Variants in MZT1 observed in about 807,000 individuals in gnomAD.
The protein encoded by MZT1 is mitotic spindle organizing protein 1.
A neutral mutation model predicts 8.5 loss-of-function variants in MZT1; 8 were observed. The ratio of observed to expected loss-of-function variants is 0.94; its 90% confidence interval spans 0.55 to 1.70. MZT1 has a LOEUF of 1.70. Ranked by LOEUF, MZT1 falls within the 40% of genes most tolerant of loss-of-function variation. The pLI, the probability that MZT1 is intolerant of heterozygous loss-of-function variation, is 0.00. For synonymous variants in MZT1, 38 were observed against 42.0 expected (o/e 0.90, Z 0.37); for missense variants, 93 against 108.6 (o/e 0.86, Z 0.64).
At chr13:72,716,464 C>A (rs1283875639) in intron 2 of MZT1, among the ~76,000 whole-genome samples, 5 of 152,050 alleles carry the variant, frequency 3.3e-5, no homozygotes, top group Non-Finnish European at 7.4e-5. Flanking sequence ...AGCACAAAAA[C>A]AAACCTAAAG....
At chr13:72,724,379 A>G (rs2032619060) in intron 1 of MZT1, among the ~76,000 whole-genome samples, 1 of 151,984 alleles carries the variant, frequency 6.6e-6, no homozygotes. Context: ...AACAGGAGGC[A>G]GAGGAGGTGA....
At chr13:72,716,102 A>G (rs1276734028) in intron 2 of MZT1, among the ~76,000 whole-genome samples, 1 of 151,916 alleles carries the variant, frequency 6.6e-6, no homozygotes, top group African/African-American at 2.4e-5. Context: ...TTTTTAGTAG[A>G]GATGGGTTTC....
chr13:72,715,635 A>T (rs1291855776), intron 2 of MZT1, among the ~76,000 whole-genome samples: 1 of 152,182 alleles, frequency 6.6e-6, no homozygotes, highest in Non-Finnish European at 1.5e-5. Flanking sequence ...GACTGAATTC[A>T]TCCCTCATGA....
chr13:72,717,554 G>A (rs999045418), intron 2 of MZT1, among the ~76,000 whole-genome samples: 1 of 152,064 alleles, frequency 6.6e-6, no homozygotes, highest in Non-Finnish European at 1.5e-5. Flanking sequence ...GGTCAGGCTG[G>A]TTTTGAACTC....
chr13:72,712,260 G>A (rs1427298150), intron 2 of MZT1, among the ~76,000 whole-genome samples: 2 of 152,288 alleles, frequency 1.3e-5, no homozygotes, highest in East Asian at 3.9e-4. Flanking sequence ...AAATGCCTGA[G>A]CTCAGGCCAT....
chr13:72,712,663 A>G (rs1469005469), intron 2 of MZT1, among the ~76,000 whole-genome samples: 1 of 152,180 alleles, frequency 6.6e-6, no homozygotes, highest in African/African-American at 2.4e-5. Flanking sequence ...AAAGCTGAAA[A>G]AGCTATGTTA....
Position 72,710,327 on chromosome 13 carries a change from T to C in MZT1, c.244A>G (p.Ser82Gly). 1 of 1,613,250 alleles carries C rather than the reference T, an allele frequency of 6.2e-7. No individual in the cohort carries two copies. The highest frequency in any genetic ancestry group is 8.5e-7 in the Non-Finnish European group (1 of 1,179,392). ...EALKAAENMT[S>G] ...ATCAGAATTTCTCCAGAAAGTCAGC[T>C]TGTCATATTTTCAGCAGCCTAGAAC... The change falls in exon 3 of 3, where the codon AGC (serine) becomes GGC (glycine). Residue 82 changes from serine to glycine, a missense_variant. Transcript: ENST00000377818.
At chr13:72,717,532 T>A (rs1288864609) in intron 2 of MZT1, among the ~76,000 whole-genome samples, 1 of 151,858 alleles carries the variant, frequency 6.6e-6, no homozygotes, top group African/African-American at 2.4e-5. Flanking sequence ...AGAGATGGAG[T>A]TTCATTATGT....
chr13:72,727,311 G>T lies in MZT1; in HGVS notation c.79+213C>A, dbSNP rs190351413. Among the ~76,000 whole-genome samples, 919 of 152,342 alleles carry T rather than the reference G, an allele frequency of 6.0e-3. 29 individuals are homozygous for T. The highest frequency in any genetic ancestry group is 0.055 in the Admixed American group (843 of 15,314). ...CAACCGGCTGACTAGGGGCCGCAAC[G>T]CCTAGCGCGCGCGACAAACTACGCA... On this transcript the variant is annotated intron_variant, in intron 1 of 2. Coordinates refer to ENST00000377818, the MANE Select transcript of MZT1 (RefSeq NM_001071775.3).
intron 1 of MZT1, among the ~76,000 whole-genome samples, chr13:72,726,019 G>C (rs977003838): frequency 6.6e-6 from 1 of 152,060 alleles, no homozygotes; most frequent in Non-Finnish European, 1.5e-5. Context: ...CAGAAAAACA[G>C]CAAGGTAGAT....
intron 1 of MZT1, 127 bp from the exon 2 acceptor site, chr13:72,719,224 G>T: frequency 1.5e-6 from 1 of 684,816 alleles, no homozygotes; most frequent in Non-Finnish European, 2.1e-6. Flanking sequence ...CCCAGGTTTT[G>T]GAAATCTGCA....
In MZT1 at chr13:72,708,449, T is replaced by C. The variant is rs902296080; in HGVS notation, c.*1873A>G. The C allele has an allele frequency of 6.6e-6, 1 of 152,592 alleles. No individual in the cohort carries two copies. The highest frequency in any genetic ancestry group is 1.5e-5 in the Non-Finnish European group (1 of 68,040). The allele number at this position is 152,592 out of a possible 1,614,324, so 9.5% of individuals were successfully genotyped here. On this transcript the variant is annotated 3_prime_UTR_variant, in exon 3 of 3. Transcript: ENST00000377818. ...TCATTATTTTGTTTAGTTTCTTAAA[T>C]ATTACTTAAGTATGCATTAAAAATA...
chr13:72,726,523 G>A (rs562979737), intron 1 of MZT1, among the ~76,000 whole-genome samples: 52 of 152,174 alleles, frequency 3.4e-4, no homozygotes, highest in Non-Finnish European at 6.5e-4. Context: ...GGAAGCTGAC[G>A]TGAGTAGACC....
At chr13:72,718,079 A>T (rs1376512813) in intron 2 of MZT1, among the ~76,000 whole-genome samples, 2 of 152,232 alleles carry the variant, frequency 1.3e-5, no homozygotes, top group African/African-American at 2.4e-5. Context: ...ATCTATTTAC[A>T]GTTTGAAGGC....
intron 1 of MZT1, 105 bp downstream of exon 1, chr13:72,727,419 T>G: frequency 9.0e-7 from 1 of 1,115,056 alleles, no homozygotes; most frequent in Non-Finnish European, 1.4e-6. Context: ...GAAGATGCCG[T>G]TTGGGGCACT....
At position 72,709,235 on chromosome 13, in the gene MZT1, TTTGA is replaced by T. The variant is rs1202009873; in HGVS notation, c.*1083_*1086del. 2 of 151,908 alleles carry T rather than the reference TTTGA, an allele frequency of 1.3e-5. No individual in the cohort carries two copies. Among genetic ancestry groups the T allele is most frequent in the Non-Finnish European group, 2.9e-5 (2 of 67,890 alleles). The allele number at this position is 151,908 out of a possible 1,614,324, so 9.4% of individuals were successfully genotyped here. Reference sequence around the variant, plus strand: ...TACTTGAGATTCCTAATATAGAACATTTGATTGTTTAGTTTTGTTTAATGACTGG... The same window carrying T: ...TACTTGAGATTCCTAATATAGAACATTTGTTTAGTTTTGTTTAATGACTGG... On this transcript the variant is annotated 3_prime_UTR_variant, in exon 3 of 3. Coordinates refer to ENST00000377818, the MANE Select transcript of MZT1 (RefSeq NM_001071775.3).
rs9318114 is a variant in MZT1, at chr13:72,708,919, G to T, written c.*1403C>A. The T allele has an allele frequency of 2.6e-5, 4 of 151,758 alleles. No homozygotes were observed. Among genetic ancestry groups the T allele is most frequent in the Admixed American group, 2.6e-4 (4 of 15,242 alleles). 9.4% of individuals were successfully genotyped at this position (151,758 alleles called of 1,614,324 possible). A position where few individuals can be genotyped will look rare whatever the true frequency, so the allele number is the denominator to read the frequency against. ...CTTGTCTGAAAAACAAAAAATGCTA[G>T]TAAAGAGTGAATGCTTGTACAATCA... On this transcript the variant is annotated 3_prime_UTR_variant, in exon 3 of 3. Transcript: ENST00000377818.
intron 2 of MZT1, among the ~76,000 whole-genome samples, chr13:72,714,622 C>G (rs2032517648): frequency 6.6e-6 from 1 of 152,242 alleles, no homozygotes. Flanking sequence ...GGCCCCGCAG[C>G]CCTCCACAGC....
At position 72,725,277 on chromosome 13, in the gene MZT1, G is replaced by A. The variant is rs111915164; in HGVS notation, c.79+2247C>T. On this transcript the variant is annotated intron_variant, in intron 1 of 2. Transcript: ENST00000377818. ...TTGAAAAGGCACGACTATTTTAAGC[G>A]TGTAGAATTTTAGGGATATAAGGAT... Among the ~76,000 whole-genome samples, 11 of 152,232 alleles carry A rather than the reference G, an allele frequency of 7.2e-5. No homozygotes were observed. In the East Asian group the frequency reaches 9.7e-4, roughly 13 times the overall value.
Sources: gnomAD v4.1 joint callset for allele counts (sites outside exome capture counted in the v4.1 genomes callset) on GRCh38, gnomAD v4.1.1 for gene constraint, MANE v1.5 for transcripts, NCBI Gene and HGNC (gene_info 2026-07-23, HGNC 2026-07-21) for gene names.